PCLO: variants seen among roughly 807,000 people sequenced by gnomAD.
PCLO encodes the protein piccolo presynaptic cytomatrix protein.
Under a neutral mutation model 427.5 loss-of-function variants are expected in PCLO, and 82 were observed. The observed-to-expected ratio is 0.19, with a 90% CI of 0.16 to 0.23. The LOEUF (loss-of-function observed/expected upper bound fraction) is 0.23. Among genes scored for constraint, PCLO ranks in the 10% least tolerant of loss-of-function variants. PCLO has a pLI of 1.00. For missense variants in PCLO, 6,239 were observed against 6,115.9 expected, an observed-to-expected ratio of 1.02 and a Z score of -0.67; for synonymous variants, 2,357 against 2,155.4, an observed-to-expected ratio of 1.09 and a Z score of -2.59.
chr7:82,872,572 T>G (rs1793263269), intron 10 of PCLO, among the ~76,000 whole-genome samples: 1 of 152,086 alleles, frequency 6.6e-6, no homozygotes, highest in Non-Finnish European at 1.5e-5. Context: ...CACAGAACAT[T>G]CTTCCACATT....
intron 3 of PCLO, among the ~76,000 whole-genome samples, chr7:83,043,912 C>CTTTTCT (rs1789033893): frequency 5.5e-4 from 52 of 94,858 alleles, no homozygotes; most frequent in Middle Eastern, 7.1e-3. Context: ...CTATTATTTT[C>CTTTTCT]TTTTTTTTTT....
chr7:82,946,467 A>C (rs973435836), intron 6 of PCLO, among the ~76,000 whole-genome samples: 2 of 152,228 alleles, frequency 1.3e-5, no homozygotes, highest in African/African-American at 4.8e-5. Flanking sequence ...ATTTAGAGGC[A>C]GAAATAGAGA....
At chr7:82,792,376 G>A (rs1200498708) in intron 22 of PCLO, among the ~76,000 whole-genome samples, 1 of 150,974 alleles carries the variant, frequency 6.6e-6, no homozygotes, top group East Asian at 1.9e-4. Context: ...ATCCAGGCTG[G>A]GGTGCAGTGG....
At chr7:83,064,527 A>G (rs1001419950) in intron 3 of PCLO, among the ~76,000 whole-genome samples, 5 of 152,014 alleles carry the variant, frequency 3.3e-5, no homozygotes, top group African/African-American at 1.2e-4. Flanking sequence ...GATTAAAGAA[A>G]ATGGTGTTCA....
chr7:82,813,964 G>GA (rs1306955639), intron 20 of PCLO, among the ~76,000 whole-genome samples: 3 of 151,734 alleles, frequency 2.0e-5, no homozygotes, highest in African/African-American at 7.2e-5. Context: ...CACTATATGG[G>GA]ATCAGTAATG....
intron 2 of PCLO, among the ~76,000 whole-genome samples, chr7:83,151,727 G>T (rs1261051132): frequency 1.8e-4 from 28 of 152,002 alleles, no homozygotes; most frequent in Admixed American, 1.8e-3. Context: ...TTCTTCCTTT[G>T]ACCCTGTAAC....
intron 10 of PCLO, among the ~76,000 whole-genome samples, chr7:82,877,225 G>A (rs765914880): frequency 1.6e-4 from 24 of 152,112 alleles, no homozygotes; most frequent in Non-Finnish European, 3.1e-4. Flanking sequence ...AATATACTGC[G>A]TTGATATTGT....
intron 3 of PCLO, among the ~76,000 whole-genome samples, chr7:82,967,441 C>T (rs896389719): frequency 1.3e-5 from 2 of 152,088 alleles, no homozygotes; most frequent in African/African-American, 4.8e-5. Flanking sequence ...TCCCAAAATG[C>T]TGGGATTAGA....
At chr7:82,919,041 T>C (rs982898533) in intron 6 of PCLO, among the ~76,000 whole-genome samples, 3 of 151,974 alleles carry the variant, frequency 2.0e-5, no homozygotes, top group African/African-American at 7.2e-5. Context: ...CAAATAGTTA[T>C]ATATTGTACA....
Position 83,135,019 on chromosome 7 carries a change from T to G in PCLO, c.2531A>C (p.Lys844Thr). 1 of 1,613,936 alleles carries G rather than the reference T, an allele frequency of 6.2e-7. No homozygotes were observed. Among genetic ancestry groups the G allele is most frequent in the East Asian group, 2.2e-5 (1 of 44,868 alleles). The change falls in exon 3 of 25, where the codon AAA (lysine) becomes ACA (threonine). Residue 844 changes from lysine to threonine, a missense_variant. Lys to Thr is a moderately conservative substitution (Grantham distance 78). This residue lies in a region of PCLO where 4,677 missense variants were observed against 4,468.4 expected (regional missense o/e 1.05). Transcript: ENST00000333891. ...PGPSSESKGQKQVDPVQKKEE... is the reference protein window; with the variant it reads ...PGPSSESKGQTQVDPVQKKEE... ...CTTCTTTTGTACGGGGTCAACTTGT[T>G]TTTGACCTTTGCTCTCTGAACTGGG...
intron 3 of PCLO, among the ~76,000 whole-genome samples, chr7:82,972,616 A>C (rs1260078176): frequency 6.6e-6 from 1 of 152,042 alleles, no homozygotes; most frequent in Non-Finnish European, 1.5e-5. Context: ...AAGTGAAGTG[A>C]TTAGGAAGCT....
chr7:82,861,405 G>A (rs1263402186), intron 10 of PCLO, among the ~76,000 whole-genome samples: 1 of 151,874 alleles, frequency 6.6e-6, no homozygotes, highest in Non-Finnish European at 1.5e-5. Context: ...AGACAAAGAA[G>A]TTCACTATAT....
chr7:82,865,916 T>A (rs541967336), intron 10 of PCLO, among the ~76,000 whole-genome samples: 12 of 152,286 alleles, frequency 7.9e-5, no homozygotes, highest in African/African-American at 2.6e-4. Flanking sequence ...AGTGATCCTA[T>A]TTAAACGTCA....
rs562030046 is a variant in PCLO, at chr7:83,065,872, A to C, written c.3300+68378T>G. Among the ~76,000 whole-genome samples the C allele has an allele frequency of 1.6e-4, 25 of 152,226 alleles. No homozygotes were observed. The South Asian group carries it at 5.2e-3, about 32-fold the overall frequency. On this transcript the variant is annotated intron_variant, in intron 3 of 24. Coordinates refer to ENST00000333891, the MANE Select transcript of PCLO (RefSeq NM_033026.6). ...AGCTGTGATGAAATCTGGTCATGAG[A>C]CGTTCTTTAACAATGGGGAACAAAC... is the stretch of plus-strand genomic sequence containing the variant.
chr7:83,006,759 T>C (rs1453484217), intron 3 of PCLO, among the ~76,000 whole-genome samples: 1 of 151,430 alleles, frequency 6.6e-6, no homozygotes, highest in East Asian at 1.9e-4. Flanking sequence ...CTCTATAATA[T>C]TTATTAAACG....
At chr7:83,117,796 G>A (rs1284364347) in intron 3 of PCLO, among the ~76,000 whole-genome samples, 1 of 152,090 alleles carries the variant, frequency 6.6e-6, no homozygotes, top group Admixed American at 6.6e-5. Context: ...GTCTACAGTT[G>A]GATTCTCTGA....
intron 4 of PCLO, among the ~76,000 whole-genome samples, chr7:82,960,487 C>G (rs1795632253): frequency 6.6e-6 from 1 of 152,016 alleles, no homozygotes; most frequent in African/African-American, 2.4e-5. Context: ...AAAGAATGTT[C>G]CAAGTTTGGT....
chr7:82,947,087 T>C (rs1183493485), intron 6 of PCLO, among the ~76,000 whole-genome samples: 1 of 152,140 alleles, frequency 6.6e-6, no homozygotes, highest in African/African-American at 2.4e-5. Flanking sequence ...TGTTCATCAA[T>C]CTGAAACTTT....
chr7:83,025,715 T>G (rs891082987), intron 3 of PCLO, among the ~76,000 whole-genome samples: 1 of 152,086 alleles, frequency 6.6e-6, no homozygotes, highest in South Asian at 2.1e-4. Flanking sequence ...AAAGGTTGGG[T>G]TACCCTCAAA....
Sources: allele counts gnomAD v4.1 joint callset (sites outside exome capture counted in the v4.1 genomes callset), GRCh38; gene constraint gnomAD v4.1.1; regional missense constraint gnomAD v4.1.1; transcripts MANE v1.5; gene names NCBI Gene and HGNC (gene_info 2026-07-23, HGNC 2026-07-21).